Variants in NHLH2 observed in about 807,000 individuals in gnomAD.
NHLH2 encodes helix-loop-helix protein 2.
Under a neutral mutation model 7.3 loss-of-function variants are expected in NHLH2, and 7 were observed. The ratio of observed to expected loss-of-function variants is 0.96; its 90% confidence interval spans 0.55 to 1.81. NHLH2 has a LOEUF of 1.81. Among genes scored for constraint, NHLH2 ranks in the 40% most tolerant of loss-of-function variants. The pLI is 0.00. For missense variants in NHLH2, 155 were observed against 194.0 expected, an observed-to-expected ratio of 0.80 and a Z score of 1.19; for synonymous variants, 93 against 91.6, an observed-to-expected ratio of 1.01 and a Z score of -0.09.
At chr1:115,839,972 G>C (rs1651018508) in intron 2 of NHLH2, 1 of 167,066 alleles carries the variant, frequency 6.0e-6, no homozygotes, top group African/African-American at 2.4e-5. Context: ...CAGCTTGAAA[G>C]GGCAGAAATA....
At chr1:115,834,762 G>A (rs1246028567), downstream of NHLH2, among the ~76,000 whole-genome samples, 1 of 152,192 alleles carries the variant, frequency 6.6e-6, no homozygotes, top group Non-Finnish European at 1.5e-5. Flanking sequence ...TCGCTTCAGT[G>A]TACTGCTTTT....
At position 115,837,880 on chromosome 1, in the gene NHLH2, T is replaced by G; in HGVS notation, c.*85A>C. 1 of 1,444,330 alleles carries G rather than the reference T, an allele frequency of 6.9e-7. No individual in the cohort carries two copies. Among genetic ancestry groups the G allele is most frequent in the Non-Finnish European group, 9.2e-7 (1 of 1,085,182 alleles). The allele number at this position is 1,444,330 out of a possible 1,614,324, so 89.5% of individuals were successfully genotyped here. A position where few individuals can be genotyped will look rare whatever the true frequency, so the allele number is the denominator to read the frequency against. ...GCCGTCTCGCTGGGCCACCGCAGCC[T>G]CCGCCACCCGAGCGACGGCGCCCGT... is the stretch of plus-strand genomic sequence containing the variant. On this transcript the variant is annotated 3_prime_UTR_variant, in exon 3 of 3. Coordinates refer to ENST00000320238, the MANE Select transcript of NHLH2 (RefSeq NM_005599.3).
At position 115,838,252 on chromosome 1, in the gene NHLH2, CCG is replaced by C; in HGVS notation, c.119_120del (p.Pro40ArgfsTer206). ...KVLGSVSDLE[P>X]VEEAEGDGKG... The stretch of plus-strand genomic sequence containing the variant: ...TTGCCGTCGCCCTCGGCCTCCTCCA[CCG>C]GCTCCAGGTCCGACACGCTGCCGAG... On this transcript the variant is annotated frameshift_variant, in exon 3 of 3. Transcript: ENST00000320238. LOFTEE classifies it high-confidence loss of function. 7.0e-6 allele frequency: 11 copies of C among 1,581,186 alleles called. No individual in the cohort carries two copies. Among genetic ancestry groups the C allele is most frequent in the Non-Finnish European group, 9.4e-6 (11 of 1,166,302 alleles).
rs574742924 is a variant in NHLH2 at position 115,837,186 on chromosome 1, A to G, written c.*779T>C. 1 of 152,712 alleles carries G rather than the reference A, an allele frequency of 6.5e-6. No individual in the cohort carries two copies. The highest frequency in any genetic ancestry group is 2.1e-4 in the South Asian group (1 of 4,828). 9.5% of individuals were successfully genotyped at this position (152,712 alleles called of 1,614,324 possible). On this transcript the variant is annotated 3_prime_UTR_variant, in exon 3 of 3. Transcript: ENST00000320238. ...TTTCTAACTGCACCTATGGGTCCAC[A>G]TGTTTAAGGTCACAAATAGATGTTT...
At position 115,838,353 on chromosome 1, in the gene NHLH2, T is replaced by C. The variant is rs772516792; in HGVS notation, c.20A>G (p.Gln7Arg). Residue 7 changes from glutamine to arginine, a missense_variant, in exon 3 of 3, where the codon CAA (glutamine) becomes CGA (arginine). By Grantham distance (43) the Gln-to-Arg change is conservative. Coordinates refer to ENST00000320238, the MANE Select transcript of NHLH2 (RefSeq NM_005599.3). MMLSPD[Q>R]AADSDHPSSA... ...GCTGGGATGGTCCGAATCTGCTGCTTGGTCCGGACTCAGCATCATTTTGGA... is the reference window on the plus strand; with the variant it reads ...GCTGGGATGGTCCGAATCTGCTGCTCGGTCCGGACTCAGCATCATTTTGGA... 23 of 1,609,106 alleles carry C rather than the reference T, an allele frequency of 1.4e-5. No homozygotes were observed. In the Admixed American group the frequency reaches 3.8e-4, roughly 27 times the overall value.
At position 115,837,893 on chromosome 1, in the gene NHLH2, C is replaced by T. The variant is rs1455098117; in HGVS notation, c.*72G>A. 4 of 1,489,864 alleles carry T rather than the reference C, an allele frequency of 2.7e-6. No homozygotes were observed. Among genetic ancestry groups the T allele is most frequent in the Non-Finnish European group, 3.6e-6 (4 of 1,118,704 alleles). The allele number at this position is 1,489,864 out of a possible 1,614,324, so 92.3% of individuals were successfully genotyped here. A position where few individuals can be genotyped will look rare whatever the true frequency, so the allele number is the denominator to read the frequency against. On this transcript the variant is annotated 3_prime_UTR_variant, in exon 3 of 3. Coordinates refer to ENST00000320238, the MANE Select transcript of NHLH2 (RefSeq NM_005599.3). Reference sequence around the variant, plus strand: ...GCCACCGCAGCCTCCGCCACCCGAGCGACGGCGCCCGTCCGGATCCGTAGC... The same window carrying T: ...GCCACCGCAGCCTCCGCCACCCGAGTGACGGCGCCCGTCCGGATCCGTAGC...
In NHLH2 at chr1:115,837,048, C is replaced by G. The variant is rs577454435; in HGVS notation, c.*917G>C. On this transcript the variant is annotated 3_prime_UTR_variant, in exon 3 of 3. Transcript: ENST00000320238. ...CACAGGAAAAAGTGTAAACACTTGA[C>G]TATAAATAAATTGGCACAGAGTATC... The G allele has an allele frequency of 6.6e-5, 10 of 152,460 alleles. No individual in the cohort carries two copies. In the East Asian group the frequency reaches 1.9e-3, roughly 29 times the overall value. The allele number at this position is 152,460 out of a possible 1,614,324, so 9.4% of individuals were successfully genotyped here.
In NHLH2 at chr1:115,837,855, G is replaced by A; in HGVS notation, c.*110C>T. On this transcript the variant is annotated 3_prime_UTR_variant, in exon 3 of 3. Transcript: ENST00000320238. ...TCTTCCCCGGCCGTCTCTCGAGGCG[G>A]CCGTCTCGCTGGGCCACCGCAGCCT... The A allele has an allele frequency of 8.4e-7, 1 of 1,184,662 alleles. No individual in the cohort carries two copies. The allele number at this position is 1,184,662 out of a possible 1,614,324, so 73.4% of individuals were successfully genotyped here. A position where few individuals can be genotyped will look rare whatever the true frequency, so the allele number is the denominator to read the frequency against.
At position 115,836,943 on chromosome 1, in the gene NHLH2, C is replaced by T. The variant is rs1650886377; in HGVS notation, c.*1022G>A. ...AGGGAGAAGTGGGAAATTTGTTATA[C>T]AAGTGCAATATAATTAGAGCAGAAA... On this transcript the variant is annotated 3_prime_UTR_variant, in exon 3 of 3. Transcript: ENST00000320238. 1 of 152,162 alleles carries T rather than the reference C, an allele frequency of 6.6e-6. No homozygotes were observed. Among genetic ancestry groups the T allele is most frequent in the Admixed American group, 6.6e-5 (1 of 15,262 alleles). 9.4% of individuals were successfully genotyped at this position (152,162 alleles called of 1,614,324 possible).
rs1227253932 is a variant in NHLH2, at chr1:115,837,388, T to A, written c.*577A>T. 6.5e-6 allele frequency: 1 copy of A among 152,706 alleles called. No individual in the cohort carries two copies. Among genetic ancestry groups the A allele is most frequent in the Non-Finnish European group, 1.5e-5 (1 of 68,092 alleles). The allele number at this position is 152,706 out of a possible 1,614,324, so 9.5% of individuals were successfully genotyped here. On this transcript the variant is annotated 3_prime_UTR_variant, in exon 3 of 3. Coordinates refer to ENST00000320238, the MANE Select transcript of NHLH2 (RefSeq NM_005599.3). ...AATTTGTCTTTTTAAACTTACTAAA[T>A]ATTCAGGGTTTATTTGGATTCTAAT... is the stretch of plus-strand genomic sequence containing the variant.
chr1:115,838,082 G>A lies in NHLH2; in HGVS notation c.291C>T (p.Phe97=), dbSNP rs745890870. ...TGGGCAGCAATTTGCGGAGCTCGGCGAAGGCCAAGTTGAAGGCTTCCACGC... is the reference window on the plus strand; with the variant it reads ...TGGGCAGCAATTTGCGGAGCTCGGCAAAGGCCAAGTTGAAGGCTTCCACGC... ...RIRVEAFNLA[F]AELRKLLPTL... is the part of the protein sequence containing the mutation. Residue 97 remains phenylalanine, a synonymous_variant, in exon 3 of 3, where the codon TTC becomes TTT. Coordinates refer to ENST00000320238, the MANE Select transcript of NHLH2 (RefSeq NM_005599.3). The A allele has an allele frequency of 1.9e-6, 3 of 1,608,874 alleles. No individual in the cohort carries two copies. The highest frequency in any genetic ancestry group is 3.3e-5 in the Admixed American group (2 of 59,738).
chr1:115,832,962 G>A (rs907052987), downstream of NHLH2, among the ~76,000 whole-genome samples: 1 of 152,176 alleles, frequency 6.6e-6, no homozygotes, highest in Non-Finnish European at 1.5e-5. Context: ...TGAGGAAACC[G>A]AGTTTGCAGG....
At chr1:115,839,942 A>G (rs1250472301) in intron 2 of NHLH2, 1 of 167,062 alleles carries the variant, frequency 6.0e-6, no homozygotes, top group East Asian at 1.9e-4. Context: ...TATGAGTAGA[A>G]CAACTTGCAC....
At chr1:115,836,342 T>C (rs1301246041), downstream of NHLH2, 2 of 152,464 alleles carry the variant, frequency 1.3e-5, no homozygotes, top group East Asian at 3.9e-4. Context: ...ATGTCCATTA[T>C]TTTTAGACAG....
At position 115,837,836 on chromosome 1, in the gene NHLH2, C is replaced by CCGGCCGTCTCTCGAGG. The variant is rs1206763663; in HGVS notation, c.*113_*128dup. The CCGGCCGTCTCTCGAGG allele has an allele frequency of 4.2e-5, 42 of 1,004,252 alleles. No individual in the cohort carries two copies. Among genetic ancestry groups the CCGGCCGTCTCTCGAGG allele is most frequent in the South Asian group, 1.2e-4 (7 of 58,798 alleles). 62.2% of individuals were successfully genotyped at this position (1,004,252 alleles called of 1,614,324 possible). A position where few individuals can be genotyped will look rare whatever the true frequency, so the allele number is the denominator to read the frequency against. On this transcript the variant is annotated 3_prime_UTR_variant, in exon 3 of 3. Transcript: ENST00000320238. ...AGAGAACAGGTAGCGAGCTTCTTCC[C>CCGGCCGTCTCTCGAGG]CGGCCGTCTCTCGAGGCGGCCGTCT...
At chr1:115,831,766 C>CA (rs1368050730), downstream of NHLH2, among the ~76,000 whole-genome samples, 3 of 151,826 alleles carry the variant, frequency 2.0e-5, no homozygotes, top group Non-Finnish European at 4.4e-5. Flanking sequence ...ACAAAAAATA[C>CA]AAAAAATTAG....
downstream of NHLH2, among the ~76,000 whole-genome samples, chr1:115,834,241 G>A (rs1352935883): frequency 6.6e-6 from 1 of 152,178 alleles, no homozygotes; most frequent in East Asian, 1.9e-4. Context: ...AGAAGTGAGG[G>A]GAAGTCCATT....
downstream of NHLH2, among the ~76,000 whole-genome samples, chr1:115,833,484 G>A (rs1049503289): frequency 3.9e-5 from 6 of 152,136 alleles, no homozygotes; most frequent in East Asian, 5.8e-4. Context: ...GCACCAAGGG[G>A]GGTGGTGTGT....
chr1:115,838,775 G>A (rs570682195), intron 2 of NHLH2: 3 of 202,350 alleles, frequency 1.5e-5, no homozygotes, highest in Admixed American at 1.3e-4. Context: ...TCCCCTTCCC[G>A]GACAAACGAG....
Sources: gnomAD v4.1 joint callset for allele counts (sites outside exome capture counted in the v4.1 genomes callset) on GRCh38, gnomAD v4.1.1 for gene constraint, MANE v1.5 for transcripts, NCBI Gene and HGNC (gene_info 2026-07-23, HGNC 2026-07-21) for gene names.